The following KDM3B variants were observed in gnomAD, a reference collection of about 807,000 sequenced individuals.
KDM3B encodes lysine demethylase 3B, also known as lysine-specific demethylase 3B.
Under a neutral mutation model 170.0 loss-of-function variants are expected in KDM3B, and 10 were observed. The observed-to-expected ratio is 0.06, with a 90% CI of 0.04 to 0.10. The LOEUF is 0.10. KDM3B is among the 10% of genes least tolerant of loss of function. The pLI, the probability that KDM3B is intolerant of heterozygous loss-of-function variation, is 1.00. For missense variants in KDM3B, 1,394 were observed against 2,195.2 expected (o/e 0.64, Z 7.29); for synonymous variants, 831 against 834.8 (o/e 1.00, Z 0.08).
chr5:138,380,865 G>A (rs191623249), intron 5 of KDM3B, among the ~76,000 whole-genome samples: 1 of 151,192 alleles, frequency 6.6e-6, no homozygotes, highest in Non-Finnish European at 1.5e-5. Context: ...GCCCAGCCTG[G>A]AGTGATTTTT....
In KDM3B at chr5:138,415,079, A is replaced by G. The variant is rs967020598; in HGVS notation, c.3200-53A>G. On this transcript the variant is annotated intron_variant, in intron 11 of 23. Coordinates refer to ENST00000314358, the MANE Select transcript of KDM3B (RefSeq NM_016604.4). ...GGGTTCTGAAACTCCATTCACTGAG[A>G]AGGATCCATTTTTGTGACCCTTATA... is the stretch of plus-strand genomic sequence containing the variant. 3.2e-6 allele frequency: 4 copies of G among 1,260,666 alleles called. No homozygotes were observed. In the African/African-American group the frequency reaches 5.9e-5, roughly 19 times the overall value. The allele number at this position is 1,260,666 out of a possible 1,614,324, so 78.1% of individuals were successfully genotyped here.
At chr5:138,370,161 G>A (rs1761839138) in intron 1 of KDM3B, among the ~76,000 whole-genome samples, 1 of 152,144 alleles carries the variant, frequency 6.6e-6, no homozygotes, top group African/African-American at 2.4e-5. Context: ...ATTAAATATA[G>A]TACAGTTCAG....
At chr5:138,399,776 A>C in intron 10 of KDM3B, 84 bp from the exon 11 acceptor site, 3 of 1,261,606 alleles carry the variant, frequency 2.4e-6, no homozygotes, top group Non-Finnish European at 3.3e-6. Flanking sequence ...TGAACAAAAT[A>C]GCTTGAGTAG....
chr5:138,409,899 C>G (rs1762916738), intron 11 of KDM3B, among the ~76,000 whole-genome samples: 1 of 152,120 alleles, frequency 6.6e-6, no homozygotes, highest in Non-Finnish European at 1.5e-5. Flanking sequence ...ACCAGCCTGA[C>G]CAACATGGAG....
At chr5:138,423,431 C>G (rs1205946331) in intron 15 of KDM3B, among the ~76,000 whole-genome samples, 1 of 152,104 alleles carries the variant, frequency 6.6e-6, no homozygotes, top group Non-Finnish European at 1.5e-5. Flanking sequence ...TAAAAGCTTC[C>G]CTACCTTCAG....
intron 20 of KDM3B, among the ~76,000 whole-genome samples, chr5:138,429,104 C>CT (rs535439585): frequency 1.3e-3 from 203 of 151,490 alleles, no homozygotes; most frequent in Non-Finnish European, 2.1e-3. Flanking sequence ...TTTTTCTTTT[C>CT]TTTTTTTGTT....
At position 138,428,007 on chromosome 5, in the gene KDM3B, T is replaced by C. The variant is rs1763438054; in HGVS notation, c.4674T>C (p.Asn1558=). Residue 1558 remains asparagine, a synonymous_variant, in exon 20 of 24, where the codon AAT becomes AAC. Coordinates refer to ENST00000314358, the MANE Select transcript of KDM3B (RefSeq NM_016604.4). The part of the protein sequence containing the change: ...TAEDRRVGTT[N]LHLDVSDAVN... Reference sequence around the variant, plus strand: ...AAGATAGAAGAGTTGGTACAACAAATCTTCACTTAGATGTGTCTGATGCTG... The same window carrying C: ...AAGATAGAAGAGTTGGTACAACAAACCTTCACTTAGATGTGTCTGATGCTG... 1 of 1,613,450 alleles carries C rather than the reference T, an allele frequency of 6.2e-7. No individual in the cohort carries two copies. The highest frequency in any genetic ancestry group is 1.3e-5 in the African/African-American group (1 of 74,930).
chr5:138,391,412 C>T lies in KDM3B; in HGVS notation c.1780C>T (p.Pro594Ser), dbSNP rs745504168. ...TGGCAGCTCTGTGGACCGGAAAGTG[C>T]CTGCAGAGTCCATGCCCACCCTCAC... Reference protein sequence around the residue: ...KAGSSVDRKVPAESMPTLTPA... With the variant: ...KAGSSVDRKVSAESMPTLTPA... Residue 594 changes from proline (P) to serine (S), a missense_variant, in exon 8 of 24, where the codon CCT becomes TCT. Pro to Ser is a moderately conservative substitution (Grantham distance 74). Transcript: ENST00000314358. This position sits in a 1 kb window ranked among gnomAD's most constrained non-coding sequence, Gnocchi z 5.0. 12 of 1,613,516 alleles carry T rather than the reference C, an allele frequency of 7.4e-6. No individual in the cohort carries two copies. In the South Asian group the frequency reaches 1.1e-4, roughly 15 times the overall value.
intron 9 of KDM3B, among the ~76,000 whole-genome samples, chr5:138,395,248 C>T (rs1365523643): frequency 6.6e-6 from 1 of 152,132 alleles, no homozygotes; most frequent in East Asian, 1.9e-4. Context: ...GTATTTAAAG[C>T]TGTCAGTCTA....
rs1418624040 is a variant in KDM3B, at chr5:138,399,879, A to T, written c.3066A>T (p.Arg1022=). 1.2e-6 allele frequency: 2 copies of T among 1,613,192 alleles called. No homozygotes were observed. The highest frequency in any genetic ancestry group is 1.7e-6 in the Non-Finnish European group (2 of 1,179,416). The change falls in exon 11 of 24, where the codon CGA becomes CGT. Residue 1022 remains arginine, a synonymous_variant. Coordinates refer to ENST00000314358, the MANE Select transcript of KDM3B (RefSeq NM_016604.4). ...CACCAGAGAAAGTGGCATGGAAGCG[A>T]GCTGTGCGTGGTGTACGGGAGATGT... ...VEPHQKVAWK[R]AVRGVREMCD...
chr5:138,427,364 C>G, intron 19 of KDM3B, 45 bp downstream of exon 19: 2 of 1,578,738 alleles, frequency 1.3e-6, no homozygotes, highest in South Asian at 2.2e-5. Flanking sequence ...GACTGTTGTT[C>G]TTATTTCAAC....
chr5:138,357,232 T>C (rs910711683), intron 1 of KDM3B, among the ~76,000 whole-genome samples: 2 of 151,682 alleles, frequency 1.3e-5, no homozygotes, highest in Non-Finnish European at 2.9e-5. Flanking sequence ...AGCAGTTGCC[T>C]GCCTCAGCCT....
At chr5:138,403,430 C>T (rs1561781181) in intron 11 of KDM3B, among the ~76,000 whole-genome samples, 1 of 152,214 alleles carries the variant, frequency 6.6e-6, no homozygotes, top group Middle Eastern at 3.4e-3. Flanking sequence ...AATCTCAGCA[C>T]TTTGGGAGGC....
intron 2 of KDM3B, 117 bp from the exon 3 acceptor site, chr5:138,374,959 ACTTATGCTTTAGCTTAT>A: frequency 1.7e-6 from 1 of 591,148 alleles, no homozygotes; most frequent in Non-Finnish European, 3.1e-6. Flanking sequence ...GTTTCCAAGG[ACTTATGCTTTAGCTTAT>A]CTGTATTTAC....
chr5:138,359,465 CT>C lies in KDM3B; in HGVS notation c.192+6501del, dbSNP rs35535602. Among the ~76,000 whole-genome samples the C allele has an allele frequency of 1.0e-2, 1,193 of 119,566 alleles. 13 individuals are homozygous for C. The highest frequency in any genetic ancestry group is 0.023 in the Middle Eastern group (5 of 222). The allele number at this position is 119,566 out of a possible 152,430, so 78.4% of individuals were successfully genotyped here. A position where few individuals can be genotyped will look rare whatever the true frequency, so the allele number is the denominator to read the frequency against. On this transcript the variant is annotated intron_variant, in intron 1 of 23. Coordinates refer to ENST00000314358, the MANE Select transcript of KDM3B (RefSeq NM_016604.4). ...GTGTGAGCCACCGTGCCCCCCCCAC[CT>C]TTTTTTTTTTTTTTTTTTTTTTAAG...
intron 1 of KDM3B, among the ~76,000 whole-genome samples, chr5:138,372,419 G>A (rs1429055590): frequency 1.3e-5 from 2 of 152,126 alleles, no homozygotes; most frequent in Non-Finnish European, 2.9e-5. Context: ...TTTCAGTAGG[G>A]ACATGACTAA....
At chr5:138,424,831 CT>C (rs1337208970) in intron 16 of KDM3B, among the ~76,000 whole-genome samples, 2 of 152,186 alleles carry the variant, frequency 1.3e-5, no homozygotes, top group Non-Finnish European at 2.9e-5. Context: ...TAAAAACACA[CT>C]TTGCATCCTC....
Position 138,398,541 on chromosome 5 carries a change from G to A in KDM3B, c.3046+149G>A, listed in dbSNP as rs560749487. ...AGACTTCTCTTTGTAGCAACCTGTCGTTGAGACCTTAACTATATCCAGCAG... is the reference window on the plus strand; with the variant it reads ...AGACTTCTCTTTGTAGCAACCTGTCATTGAGACCTTAACTATATCCAGCAG... On this transcript the variant is annotated intron_variant, in intron 10 of 23. Transcript: ENST00000314358. 514 of 659,864 alleles carry A rather than the reference G, an allele frequency of 7.8e-4. 3 individuals carry two copies. The highest frequency in any genetic ancestry group is 1.5e-4 in the Non-Finnish European group (56 of 379,472). The allele number at this position is 659,864 out of a possible 1,614,324, so 40.9% of individuals were successfully genotyped here. A position where few individuals can be genotyped will look rare whatever the true frequency, so the allele number is the denominator to read the frequency against.
intron 12 of KDM3B, among the ~76,000 whole-genome samples, chr5:138,415,973 C>A (rs746547483): frequency 2.6e-5 from 4 of 152,158 alleles, no homozygotes; most frequent in Non-Finnish European, 4.4e-5. Flanking sequence ...TGCCTGTAAT[C>A]CCAGCACTTT....
Sources: allele counts gnomAD v4.1 joint callset (sites outside exome capture counted in the v4.1 genomes callset), GRCh38; gene constraint gnomAD v4.1.1; non-coding constraint Gnocchi (gnomAD v3.1); transcripts MANE v1.5; gene names NCBI Gene and HGNC (gene_info 2026-07-23, HGNC 2026-07-21).